Variants in PDE10A observed in about 807,000 individuals in gnomAD.
PDE10A encodes the protein cAMP and cAMP-inhibited cGMP 3',5'-cyclic phosphodiesterase 10A.
In PDE10A, 39 loss-of-function variants were observed where a neutral mutation model predicts 97.7. That is an observed-to-expected ratio of 0.40 (90% CI 0.31 to 0.52). The LOEUF is 0.52. PDE10A is among the 20% of genes least tolerant of loss of function. The pLI, the probability that PDE10A is intolerant of heterozygous loss-of-function variation, is 0.56. For missense variants in PDE10A, 731 were observed against 1,047.8 expected (o/e 0.70, Z 4.17); for synonymous variants, 371 against 376.8 (o/e 0.98, Z 0.18).
At chr6:165,479,012 G>A (rs1020104887) in intron 3 of PDE10A, among the ~76,000 whole-genome samples, 1 of 152,144 alleles carries the variant, frequency 6.6e-6, no homozygotes, top group Non-Finnish European at 1.5e-5. Flanking sequence ...TCCCTAAAAT[G>A]TATAAAACCA....
intron 13 of PDE10A, among the ~76,000 whole-genome samples, chr6:165,402,053 C>G (rs1786708652): frequency 6.6e-6 from 1 of 152,122 alleles, no homozygotes; most frequent in Non-Finnish European, 1.5e-5. Context: ...AGGCAGTAAA[C>G]TAACTGCTAC....
chr6:165,586,218 C>G (rs552282263), intron 1 of PDE10A, among the ~76,000 whole-genome samples: 1 of 152,150 alleles, frequency 6.6e-6, no homozygotes, highest in Non-Finnish European at 1.5e-5. Flanking sequence ...CTCACCTTAG[C>G]TCAAGTAAAC....
At chr6:165,517,176 C>A (rs931472202) in intron 2 of PDE10A, among the ~76,000 whole-genome samples, 1 of 152,132 alleles carries the variant, frequency 6.6e-6, no homozygotes, top group East Asian at 1.9e-4. Flanking sequence ...CCAACTGATT[C>A]TTCCTTTTAA....
chr6:165,648,677 A>T (rs1435664062), intron 1 of PDE10A, among the ~76,000 whole-genome samples: 1 of 152,182 alleles, frequency 6.6e-6, no homozygotes. Flanking sequence ...AACAAAGAAA[A>T]TTCAAAAATC....
chr6:165,913,628 C>T (rs1031220563), intron 1 of PDE10A, among the ~76,000 whole-genome samples: 37 of 152,120 alleles, frequency 2.4e-4, no homozygotes, highest in African/African-American at 8.9e-4. Context: ...GACCTGACTT[C>T]GCACACACAT....
intron 1 of PDE10A, among the ~76,000 whole-genome samples, chr6:165,616,917 G>A (rs962523239): frequency 6.6e-6 from 1 of 152,162 alleles, no homozygotes. Flanking sequence ...AATATATATT[G>A]TTTAATTACA....
intron 1 of PDE10A, among the ~76,000 whole-genome samples, chr6:165,725,279 G>A (rs1792263751): frequency 6.6e-6 from 1 of 152,248 alleles, no homozygotes. Context: ...CAATAAGGCA[G>A]AGGGTCTAAT....
intron 1 of PDE10A, among the ~76,000 whole-genome samples, chr6:165,983,065 T>TATAG (rs77621461): frequency 1.0e-4 from 1 of 10,006 alleles, no homozygotes; most frequent in Admixed American, 1.6e-3. Flanking sequence ...ATCACAATTT[T>TATAG]ACGACACACA....
At chr6:165,780,327 A>G (rs1778309583) in intron 1 of PDE10A, 1 of 152,274 alleles carries the variant, frequency 6.6e-6, no homozygotes, top group Non-Finnish European at 1.5e-5. Flanking sequence ...TAGAGATTAT[A>G]ACAATTATCT....
At chr6:165,906,278 C>T (rs1466756145) in intron 1 of PDE10A, among the ~76,000 whole-genome samples, 4 of 151,346 alleles carry the variant, frequency 2.6e-5, no homozygotes, top group Admixed American at 2.0e-4. Flanking sequence ...GGAAGCTCTC[C>T]GTTTAGCTTT....
chr6:165,985,947 G>A (rs1785188329), intron 1 of PDE10A, among the ~76,000 whole-genome samples: 1 of 149,992 alleles, frequency 6.7e-6, no homozygotes. Context: ...GAAGAAACAC[G>A]TAAAATCCCA....
intron 2 of PDE10A, among the ~76,000 whole-genome samples, chr6:165,494,109 C>T (rs1432507653): frequency 2.0e-5 from 3 of 151,928 alleles, no homozygotes; most frequent in African/African-American, 7.3e-5. Flanking sequence ...AAATCAAAAC[C>T]ACAATGAGAT....
intron 1 of PDE10A, among the ~76,000 whole-genome samples, chr6:165,601,582 T>C (rs1786953044): frequency 6.6e-6 from 1 of 152,106 alleles, no homozygotes; most frequent in Non-Finnish European, 1.5e-5. Context: ...TTCACAAGAG[T>C]AATTATTTTC....
chr6:165,393,154 C>A (rs1354008193), intron 15 of PDE10A, among the ~76,000 whole-genome samples: 1 of 152,172 alleles, frequency 6.6e-6, no homozygotes, highest in Non-Finnish European at 1.5e-5. Context: ...GACAACAACA[C>A]AGCACCATCT....
intron 1 of PDE10A, among the ~76,000 whole-genome samples, chr6:165,764,201 T>G (rs571708864): frequency 6.6e-6 from 1 of 152,366 alleles, no homozygotes; most frequent in Non-Finnish European, 1.5e-5. Flanking sequence ...CTCTGACACT[T>G]GGCTATTGCT....
intron 1 of PDE10A, among the ~76,000 whole-genome samples, chr6:165,583,874 T>C (rs1231314665): frequency 6.6e-6 from 1 of 152,148 alleles, no homozygotes; most frequent in Non-Finnish European, 1.5e-5. Context: ...ACTACTAAAA[T>C]GTTCACTTCC....
chr6:165,363,861 A>G (rs1783592449), intron 18 of PDE10A, among the ~76,000 whole-genome samples: 3 of 152,224 alleles, frequency 2.0e-5, no homozygotes, highest in African/African-American at 7.2e-5. Flanking sequence ...AACATGGTTG[A>G]AAAATATTAA....
chr6:165,482,753 T>C (rs1332335909), intron 2 of PDE10A, among the ~76,000 whole-genome samples: 1 of 152,208 alleles, frequency 6.6e-6, no homozygotes, highest in Non-Finnish European at 1.5e-5. Context: ...CCAGCAGACC[T>C]GGAGCTGGTG....
At chr6:165,449,399 A>T (rs1381550013) in intron 4 of PDE10A, among the ~76,000 whole-genome samples, 3 of 152,208 alleles carry the variant, frequency 2.0e-5, no homozygotes, top group Non-Finnish European at 2.9e-5. Flanking sequence ...TATAATTGTC[A>T]CTGAAGCAAA....
Sources: allele counts gnomAD v4.1 joint callset (sites outside exome capture counted in the v4.1 genomes callset), GRCh38; gene constraint gnomAD v4.1.1; transcripts MANE v1.5; gene names NCBI Gene and HGNC (gene_info 2026-07-23, HGNC 2026-07-21).